Variants in DOCK9 observed in about 807,000 individuals in gnomAD.
DOCK9 encodes dedicator of cytokinesis protein 9.
A neutral mutation model predicts 263.3 loss-of-function variants in DOCK9; 89 were observed. That is an observed-to-expected ratio of 0.34 (90% CI 0.28 to 0.40). The LOEUF (loss-of-function observed/expected upper bound fraction) is 0.40, where lower values mean the gene tolerates loss of function less well. DOCK9 is among the 10% of genes least tolerant of loss of function. The pLI is 1.00. For missense variants in DOCK9, 2,140 were observed against 2,603.4 expected (o/e 0.82, Z 3.87); for synonymous variants, 976 against 973.1 (o/e 1.00, Z -0.06).
At chr13:98,960,708 A>C (rs576565496) in intron 1 of DOCK9, among the ~76,000 whole-genome samples, 8 of 152,292 alleles carry the variant, frequency 5.3e-5, no homozygotes, top group African/African-American at 1.9e-4. Flanking sequence ...CTGGTTACAA[A>C]CGTAAATTCT....
At chr13:99,051,538 C>G (rs921288010) in intron 1 of DOCK9, among the ~76,000 whole-genome samples, 5 of 152,092 alleles carry the variant, frequency 3.3e-5, no homozygotes, top group African/African-American at 2.4e-5. Context: ...AAAAATACAT[C>G]TTTTCAATAC....
chr13:98,919,186 T>C (rs1293694348), intron 7 of DOCK9, among the ~76,000 whole-genome samples: 2 of 151,590 alleles, frequency 1.3e-5, no homozygotes, highest in Non-Finnish European at 2.9e-5. Flanking sequence ...CTCAGCTCAC[T>C]GCAACCTCCG....
chr13:99,029,715 T>A (rs1310641925), intron 1 of DOCK9, among the ~76,000 whole-genome samples: 1 of 152,182 alleles, frequency 6.6e-6, no homozygotes, highest in Non-Finnish European at 1.5e-5. Flanking sequence ...AGTGAAACCC[T>A]CATACATTGC....
chr13:98,861,735 C>T (rs1249534883), intron 32 of DOCK9, among the ~76,000 whole-genome samples: 1 of 152,082 alleles, frequency 6.6e-6, no homozygotes, highest in African/African-American at 2.4e-5. Context: ...AGAGCAAAAC[C>T]ATCTCTAATC....
intron 2 of DOCK9, among the ~76,000 whole-genome samples, chr13:98,949,068 A>G (rs1406453099): frequency 6.6e-6 from 1 of 152,120 alleles, no homozygotes; most frequent in Non-Finnish European, 1.5e-5. Flanking sequence ...GCATATATCC[A>G]GAAGTGGTAT....
rs373893579 is a variant in DOCK9 at position 98,986,781 on chromosome 13, C to T, written c.130-31230G>A. ...GGGCTCACACGTTGTTATTCCTGGG[C>T]CACACGTCCTAAGAAGTCAAACTTT... is the stretch of plus-strand genomic sequence containing the variant. On this transcript the variant is annotated intron_variant, in intron 1 of 32. Coordinates refer to the DOCK9 transcript ENST00000427887. 2.5e-4 allele frequency among the ~76,000 whole-genome samples: 38 copies of T among 152,212 alleles called. 1 individual carries two copies. The highest frequency in any genetic ancestry group is 9.2e-4 in the African/African-American group (38 of 41,524).
chr13:98,829,803 T>C lies in DOCK9; in HGVS notation c.4636-47A>G. 1 of 1,504,474 alleles carries C rather than the reference T, an allele frequency of 6.6e-7. No homozygotes were observed. The highest frequency in any genetic ancestry group is 9.1e-7 in the Non-Finnish European group (1 of 1,101,848). 93.2% of individuals were successfully genotyped at this position (1,504,474 alleles called of 1,614,324 possible). A position where few individuals can be genotyped will look rare whatever the true frequency, so the allele number is the denominator to read the frequency against. ...GCAAATCAATTTACCTTCAAATGAC[T>C]GCCCAGGCTGGGCTTCTGCGTTCAG... is the stretch of plus-strand genomic sequence containing the variant. On this transcript the variant is annotated intron_variant, in intron 41 of 52. Coordinates refer to ENST00000682017, the MANE Select transcript of DOCK9 (RefSeq NM_001366683.2). This position sits in a 1 kb window ranked among gnomAD's most constrained non-coding sequence, Gnocchi z 4.1.
chr13:99,082,436 T>C (rs12427913), intron 1 of DOCK9, among the ~76,000 whole-genome samples: 34,063 of 151,014 alleles, frequency 0.23, 3,819 homozygotes, highest in Middle Eastern at 0.31. Flanking sequence ...GGAGAACCAC[T>C]TGAACCCGGG....
intron 26 of DOCK9, 120 bp downstream of exon 26, chr13:98,880,427 C>T (rs2044554428): frequency 1.5e-6 from 2 of 1,294,430 alleles, no homozygotes; most frequent in East Asian, 2.5e-5. Context: ...AGAACACTAC[C>T]CCTTTTTAGG....
chr13:98,948,098 G>A (rs1207755020), intron 2 of DOCK9, among the ~76,000 whole-genome samples: 5 of 152,092 alleles, frequency 3.3e-5, no homozygotes, highest in Admixed American at 6.5e-5. Flanking sequence ...GGACTTCCAG[G>A]CCTTTGTAAG....
chr13:98,996,325 C>T (rs143729823), intron 1 of DOCK9, among the ~76,000 whole-genome samples: 1 of 152,320 alleles, frequency 6.6e-6, no homozygotes, highest in East Asian at 1.9e-4. Flanking sequence ...ACAACTAAGA[C>T]AGCGGTCACA....
At position 98,845,914 on chromosome 13, in the gene DOCK9, T is replaced by C. The variant is rs756343048; in HGVS notation, c.4198+10A>G. 9.3e-6 allele frequency: 15 copies of C among 1,612,848 alleles called. 1 individual carries two copies. In the Middle Eastern group the frequency reaches 1.0e-3, roughly 108 times the overall value. On this transcript the variant is annotated intron_variant, in intron 38 of 52. Transcript: ENST00000682017. ...GGCTGGCTGTTACGATGGCATGTCA[T>C]GGGACTTACTGTGGTTAAAAGTGAG...
intron 45 of DOCK9, among the ~76,000 whole-genome samples, chr13:98,815,926 T>C (rs2091802781): frequency 6.6e-6 from 1 of 152,200 alleles, no homozygotes; most frequent in Non-Finnish European, 1.5e-5. Context: ...CCATACCAGT[T>C]ATAGCATAAT....
chr13:98,881,184 T>C (rs1165863497), intron 25 of DOCK9, among the ~76,000 whole-genome samples: 1 of 152,104 alleles, frequency 6.6e-6, no homozygotes, highest in African/African-American at 2.4e-5. Context: ...AGAGCTAACC[T>C]TCCTATCTGG....
At chr13:98,995,386 C>T (rs978376556) in intron 1 of DOCK9, among the ~76,000 whole-genome samples, 9 of 151,454 alleles carry the variant, frequency 5.9e-5, no homozygotes, top group Admixed American at 2.6e-4. Flanking sequence ...ACTAGCAACA[C>T]GATTACTAGT....
At chr13:98,933,269 T>A (rs2054250578) in intron 2 of DOCK9, among the ~76,000 whole-genome samples, 1 of 152,096 alleles carries the variant, frequency 6.6e-6, no homozygotes, top group Admixed American at 6.6e-5. Context: ...TCAAGAAACT[T>A]TAATTATGGG....
chr13:98,836,719 C>T (rs140523689), intron 39 of DOCK9, among the ~76,000 whole-genome samples: 12 of 150,950 alleles, frequency 7.9e-5, no homozygotes, highest in African/African-American at 2.2e-4. Flanking sequence ...TAAAGGGACA[C>T]GATGTCAGGA....
chr13:98,883,870 A>G lies in DOCK9; in HGVS notation c.2412T>C (p.Asp804=). Residue 804 remains aspartate, a synonymous_variant, in exon 22 of 53, where the codon GAT becomes GAC. Coordinates refer to ENST00000682017, the MANE Select transcript of DOCK9 (RefSeq NM_001366683.2). ...AAATTTTCAGCAGTGGCTTGCCTCC[A>G]TCTACCCATTTAATTTCCGGACCAT... ...RHYGPEIKWV[D]GGKPLLKIST... 1 of 1,611,652 alleles carries G rather than the reference A, an allele frequency of 6.2e-7. No homozygotes were observed.
chr13:98,811,417 C>T (rs755382336), intron 45 of DOCK9, among the ~76,000 whole-genome samples: 4 of 137,462 alleles, frequency 2.9e-5, no homozygotes, highest in Non-Finnish European at 6.4e-5. Flanking sequence ...TGTGATTTGT[C>T]TCTAGGGTTT....
Sources: gnomAD v4.1 joint callset for allele counts (sites outside exome capture counted in the v4.1 genomes callset) on GRCh38, gnomAD v4.1.1 for gene constraint, Gnocchi (gnomAD v3.1) non-coding constraint, MANE v1.5 for transcripts, NCBI Gene and HGNC (gene_info 2026-07-23, HGNC 2026-07-21) for gene names.